Variants in NPNT observed in about 807,000 individuals in gnomAD.
The protein encoded by NPNT is nephronectin.
NPNT carries 45 observed loss-of-function variants against 68.6 expected under a neutral mutation model. The ratio of observed to expected loss-of-function variants is 0.66; its 90% CI spans 0.52 to 0.84. The LOEUF (loss-of-function observed/expected upper bound fraction) is 0.84, where lower values mean the gene tolerates loss of function less well. Ranked by LOEUF, NPNT falls within the 40% of genes least tolerant of loss-of-function variation. The probability of loss-of-function intolerance (pLI) is 0.00; values close to 1 mark genes in which losing one functional copy is unlikely to be tolerated. For synonymous variants in NPNT, 233 were observed against 253.3 expected, an observed-to-expected ratio of 0.92 and a Z score of 0.76; for missense variants, 672 against 714.8, an observed-to-expected ratio of 0.94 and a Z score of 0.68.
At chr4:105,898,877 A>G (rs1468925582) in intron 2 of NPNT, among the ~76,000 whole-genome samples, 2 of 152,172 alleles carry the variant, frequency 1.3e-5, no homozygotes, top group Non-Finnish European at 2.9e-5. Flanking sequence ...GAGCACCCTT[A>G]GAGTGCTTGG....
At chr4:105,897,662 G>A (rs960581218) in intron 1 of NPNT, among the ~76,000 whole-genome samples, 2 of 152,046 alleles carry the variant, frequency 1.3e-5, no homozygotes, top group African/African-American at 2.4e-5. Context: ...TTTCCCTCCC[G>A]TTTTTTCTCC....
At chr4:105,938,479 G>A in intron 5 of NPNT, 59 bp downstream of exon 5, 1 of 1,566,908 alleles carries the variant, frequency 6.4e-7, no homozygotes, top group Non-Finnish European at 8.7e-7. Flanking sequence ...GGGAGAAAGT[G>A]AAAGGTGATG....
At chr4:105,915,390 A>G (rs888307860) in intron 2 of NPNT, among the ~76,000 whole-genome samples, 1 of 152,162 alleles carries the variant, frequency 6.6e-6, no homozygotes, top group African/African-American at 2.4e-5. Flanking sequence ...GGGGGGGCAC[A>G]TGGGCTTGGC....
At chr4:105,943,245 G>A (rs563023758) in intron 8 of NPNT, among the ~76,000 whole-genome samples, 12 of 152,324 alleles carry the variant, frequency 7.9e-5, no homozygotes, top group South Asian at 2.1e-4. Flanking sequence ...GGGATACCTC[G>A]TCAGTCTTTG....
chr4:105,938,216 T>C (rs1463931571), intron 4 of NPNT, 85 bp from the exon 5 acceptor site: 1 of 1,382,690 alleles, frequency 7.2e-7, no homozygotes, highest in African/African-American at 1.4e-5. Context: ...TGTCACTGAT[T>C]TCAGGACAAG....
intron 8 of NPNT, among the ~76,000 whole-genome samples, chr4:105,946,646 G>C (rs1013184210): frequency 6.6e-6 from 1 of 152,054 alleles, no homozygotes; most frequent in African/African-American, 2.4e-5. Flanking sequence ...AAAAGGGTAG[G>C]GGGTACAAGA....
At chr4:105,925,696 C>T (rs1034777046) in intron 2 of NPNT, among the ~76,000 whole-genome samples, 3 of 152,126 alleles carry the variant, frequency 2.0e-5, no homozygotes, top group African/African-American at 7.2e-5. Context: ...GGACTGTCTG[C>T]TCTTCACTCA....
At chr4:105,949,817 A>G (rs1472062255) in intron 8 of NPNT, among the ~76,000 whole-genome samples, 1 of 152,240 alleles carries the variant, frequency 6.6e-6, no homozygotes, top group Non-Finnish European at 1.5e-5. Flanking sequence ...ATTTGACTCC[A>G]ATTAGATATA....
chr4:105,961,538 TAG>T (rs1298720788), intron 10 of NPNT, among the ~76,000 whole-genome samples: 1 of 152,264 alleles, frequency 6.6e-6, no homozygotes, highest in Non-Finnish European at 1.5e-5. Flanking sequence ...TACTGTATTT[TAG>T]AACCAATTTA....
chr4:105,939,046 G>A (rs1333466032), intron 5 of NPNT, among the ~76,000 whole-genome samples: 1 of 152,152 alleles, frequency 6.6e-6, no homozygotes, highest in Non-Finnish European at 1.5e-5. Context: ...GAAGTGTTTG[G>A]TGATTAGAGT....
chr4:105,928,569 C>T (rs1728862146), intron 3 of NPNT, among the ~76,000 whole-genome samples: 1 of 144,746 alleles, frequency 6.9e-6, no homozygotes, highest in Non-Finnish European at 1.5e-5. Flanking sequence ...GCCAAGATTG[C>T]ACCATTGCAC....
chr4:105,943,180 G>A (rs1319159669), intron 8 of NPNT, among the ~76,000 whole-genome samples: 3 of 152,230 alleles, frequency 2.0e-5, no homozygotes, highest in African/African-American at 2.4e-5. Flanking sequence ...GAAGATACCA[G>A]TGGTAGTATG....
chr4:105,932,843 T>G, intron 3 of NPNT: 2 of 572,716 alleles, frequency 3.5e-6, no homozygotes, highest in Non-Finnish European at 6.2e-6. Flanking sequence ...CAGCAGGAAT[T>G]GCCACCTGGT....
In NPNT at chr4:105,937,019, G is replaced by T. The variant is rs775131261; in HGVS notation, c.276G>T (p.Glu92Asp). 1 of 1,613,118 alleles carries T rather than the reference G, an allele frequency of 6.2e-7. No homozygotes were observed. Among genetic ancestry groups the T allele is most frequent in the Admixed American group, 1.7e-5 (1 of 59,878 alleles). Residue 92 changes from glutamate to aspartate, a missense_variant, in exon 4 of 12, where the codon GAG (glutamate) becomes GAT (aspartate). Transcript: ENST00000379987. Reference protein sequence around the residue: ...AGKTCNQDLNECGLKPRPCKH... With the variant: ...AGKTCNQDLNDCGLKPRPCKH... ...CCACATTGTTTTCAGATCTAAATGAGTGTGGCCTGAAGCCCCGGCCCTGTA... is the reference window on the plus strand; with the variant it reads ...CCACATTGTTTTCAGATCTAAATGATTGTGGCCTGAAGCCCCGGCCCTGTA...
rs1729841804 is a variant in NPNT at position 105,940,408 on chromosome 4, G to C, written c.641-106G>C. On this transcript the variant is annotated intron_variant, in intron 6 of 11. Transcript: ENST00000379987. ...TCTGTTTATCTGCCAATATTATGTA[G>C]ATCATCACATTGCCAAAAAAAATCA... 10 of 1,165,778 alleles carry C rather than the reference G, an allele frequency of 8.6e-6. No homozygotes were observed. In the South Asian group the frequency reaches 1.3e-4, roughly 15 times the overall value. The allele number at this position is 1,165,778 out of a possible 1,614,324, so 72.2% of individuals were successfully genotyped here.
In NPNT at chr4:105,953,192, G is replaced by A. The variant is rs534113253; in HGVS notation, c.1160-5279G>A. Among the ~76,000 whole-genome samples, 52 of 152,244 alleles carry A rather than the reference G, an allele frequency of 3.4e-4. 1 individual carries two copies. The South Asian group carries it at 0.01, about 30-fold the overall frequency. On this transcript the variant is annotated intron_variant, in intron 8 of 11. Coordinates refer to ENST00000379987, the MANE Select transcript of NPNT (RefSeq NM_001033047.3). ...AAAGAAAAAAAATTATCCTGTCTCC[G>A]GGCAGTGTCTCTGAGTCTTTCTAAA...
chr4:105,937,453 TAAAAA>T (rs750526355), intron 4 of NPNT, among the ~76,000 whole-genome samples: 1 of 120,898 alleles, frequency 8.3e-6, no homozygotes, highest in South Asian at 2.6e-4. Flanking sequence ...GATTCCAGGC[TAAAAA>T]AAAAAAAAAA....
chr4:105,934,371 A>C (rs1052649198), intron 3 of NPNT, among the ~76,000 whole-genome samples: 1 of 152,206 alleles, frequency 6.6e-6, no homozygotes. Context: ...AAGGCTTCTC[A>C]CCAGGATGCC....
At chr4:105,954,183 A>C (rs980505546) in intron 8 of NPNT, among the ~76,000 whole-genome samples, 2 of 152,182 alleles carry the variant, frequency 1.3e-5, no homozygotes, top group African/African-American at 4.8e-5. Context: ...CCCTGACTCC[A>C]GGGCCCAGTA....
Sources: allele counts gnomAD v4.1 joint callset (sites outside exome capture counted in the v4.1 genomes callset), GRCh38; gene constraint gnomAD v4.1.1; transcripts MANE v1.5; gene names NCBI Gene and HGNC (gene_info 2026-07-23, HGNC 2026-07-21).